LDHAL6A: variants seen among roughly 807,000 people sequenced by gnomAD.
The protein encoded by LDHAL6A is lactate dehydrogenase A like 6A.
Under a neutral mutation model 28.2 loss-of-function variants are expected in LDHAL6A, and 19 were observed. That is an observed-to-expected ratio of 0.67 (90% CI 0.47 to 0.99). LDHAL6A has a LOEUF of 0.99. Ranked by LOEUF, LDHAL6A falls within the 50% of genes least tolerant of loss-of-function variation. The pLI, the probability that LDHAL6A is intolerant of heterozygous loss-of-function variation, is 0.00. For synonymous variants in LDHAL6A, 144 were observed against 134.4 expected (o/e 1.07, Z -0.49); for missense variants, 372 against 398.6 (o/e 0.93, Z 0.57).
At chr11:18,467,777 G>C (rs766152150) in intron 3 of LDHAL6A, among the ~76,000 whole-genome samples, 6 of 148,664 alleles carry the variant, frequency 4.0e-5, no homozygotes, top group Non-Finnish European at 7.4e-5. Context: ...AGAATCGCTT[G>C]AACCCAGGAG....
intron 5 of LDHAL6A, 25 bp from the exon 6 acceptor site, chr11:18,477,595 T>C (rs373413594): frequency 9.1e-5 from 142 of 1,564,380 alleles, no homozygotes; most frequent in Non-Finnish European, 1.2e-4. Context: ...TCTTAACTTA[T>C]GTTTATGGTT....
At chr11:18,464,469 C>A (rs1848997710) in intron 2 of LDHAL6A, among the ~76,000 whole-genome samples, 1 of 152,168 alleles carries the variant, frequency 6.6e-6, no homozygotes, top group Non-Finnish European at 1.5e-5. Context: ...AATCCCAGAA[C>A]TTTGGGAGGC....
intron 1 of LDHAL6A, among the ~76,000 whole-genome samples, chr11:18,459,601 T>C (rs969872816): frequency 1.3e-5 from 2 of 152,210 alleles, no homozygotes; most frequent in African/African-American, 4.8e-5. Flanking sequence ...TCTAGAGAAC[T>C]CTAATACATA....
At chr11:18,462,953 GTGT>G (rs1047290164) in intron 1 of LDHAL6A, among the ~76,000 whole-genome samples, 3 of 58,804 alleles carry the variant, frequency 5.1e-5, no homozygotes, top group Non-Finnish European at 1.1e-4. Flanking sequence ...TGTATTTCTA[GTGT>G]TTTTTTTTTT....
intron 6 of LDHAL6A, 151 bp downstream of exon 6, chr11:18,477,894 G>T: frequency 1.6e-6 from 1 of 640,456 alleles, no homozygotes; most frequent in Non-Finnish European, 2.6e-6. Context: ...GGGGAGATTG[G>T]GGAAAGAGCC....
chr11:18,463,828 G>A, intron 1 of LDHAL6A, 133 bp from the exon 2 acceptor site: 1 of 617,488 alleles, frequency 1.6e-6, no homozygotes. Context: ...AAAATGATGA[G>A]ATCATTTATT....
intron 1 of LDHAL6A, among the ~76,000 whole-genome samples, chr11:18,458,046 C>T (rs767411923): frequency 1.1e-4 from 17 of 152,116 alleles, no homozygotes; most frequent in Non-Finnish European, 2.1e-4. Flanking sequence ...CTTTGAAGGG[C>T]CATTCAGGGA....
chr11:18,462,967 T>C (rs1008335549), intron 1 of LDHAL6A, among the ~76,000 whole-genome samples: 1 of 146,358 alleles, frequency 6.8e-6, no homozygotes, highest in Non-Finnish European at 1.5e-5. Flanking sequence ...TTTTTTTTTT[T>C]CAAATAGAAG....
chr11:18,474,602 G>A (rs1307643668), intron 3 of LDHAL6A, among the ~76,000 whole-genome samples: 3 of 151,870 alleles, frequency 2.0e-5, no homozygotes, highest in Middle Eastern at 3.2e-3. Context: ...GGCCAGGATG[G>A]TGTCAATCTC....
chr11:18,469,293 G>T, intron 3 of LDHAL6A: 1 of 509,120 alleles, frequency 2.0e-6, no homozygotes, highest in Non-Finnish European at 3.5e-6. Context: ...GCACTAAAAC[G>T]CCTCTACCCT....
chr11:18,467,733 C>G (rs749275974), intron 3 of LDHAL6A, among the ~76,000 whole-genome samples: 1 of 150,366 alleles, frequency 6.7e-6, no homozygotes, highest in Non-Finnish European at 1.5e-5. Flanking sequence ...TGGTGCACAC[C>G]TGTAATCCTA....
rs1383913567 is a variant in LDHAL6A, at chr11:18,477,652, C to T, written c.743C>T (p.Thr248Ile). 1.2e-6 allele frequency: 2 copies of T among 1,612,368 alleles called. No homozygotes were observed. Among genetic ancestry groups the T allele is most frequent in the Admixed American group, 3.3e-5 (2 of 59,880 alleles). Reference sequence around the variant, plus strand: ...GAGATGGTCAAAATGAAAGGTTATACTTCTTGGGGCATTAGCCTATCTGTA... The same window carrying T: ...GAGATGGTCAAAATGAAAGGTTATATTTCTTGGGGCATTAGCCTATCTGTA... ...GYEMVKMKGY[T>I]SWGISLSVAD... The change falls in exon 6 of 7, where the codon ACT (threonine) becomes ATT (isoleucine). Residue 248 changes from threonine (T) to isoleucine (I), a missense_variant. Physicochemically the swap from Thr to Ile is moderately conservative, Grantham distance 89. Coordinates refer to ENST00000280706, the MANE Select transcript of LDHAL6A (RefSeq NM_144972.5).
intron 3 of LDHAL6A, among the ~76,000 whole-genome samples, chr11:18,471,037 T>G (rs1009773948): frequency 1.1e-4 from 17 of 152,108 alleles, no homozygotes; most frequent in Non-Finnish European, 2.2e-4. Context: ...CAGTCTATTT[T>G]CAGACTTTTA....
rs748189804 is a variant in LDHAL6A, at chr11:18,465,605, A to G, written c.245-32A>G. On this transcript the variant is annotated intron_variant, in intron 2 of 6. Coordinates refer to ENST00000280706, the MANE Select transcript of LDHAL6A (RefSeq NM_144972.5). ...ACTTAAATGCCAGATGTTTTCTTTC[A>G]TAATCGATTGTTTATTCTAATCTTT... 24 of 1,579,012 alleles carry G rather than the reference A, an allele frequency of 1.5e-5. 1 individual carries two copies. The Admixed American group carries it at 2.6e-4, about 17-fold the overall frequency.
At chr11:18,468,027 A>ATATATATACATATATATATACG in intron 3 of LDHAL6A, among the ~76,000 whole-genome samples, 1 of 55,976 alleles carries the variant, frequency 1.8e-5, no homozygotes, top group African/African-American at 9.6e-5. Flanking sequence ...ATATATACGT[A>ATATATATACATATATATATACG]TATATATATA....
At chr11:18,466,776 G>A (rs1334032174) in intron 3 of LDHAL6A, among the ~76,000 whole-genome samples, 2 of 152,060 alleles carry the variant, frequency 1.3e-5, no homozygotes, top group Non-Finnish European at 2.9e-5. Flanking sequence ...GTGAAAGTAG[G>A]GCTATAGTTT....
At chr11:18,460,751 C>A (rs941963658) in intron 1 of LDHAL6A, among the ~76,000 whole-genome samples, 2 of 152,012 alleles carry the variant, frequency 1.3e-5, no homozygotes, top group Non-Finnish European at 2.9e-5. Context: ...CAAAGTGAGA[C>A]CCTGTCTCAA....
chr11:18,462,666 A>C lies in LDHAL6A; in HGVS notation c.127-1295A>C, dbSNP rs1270023844. On this transcript the variant is annotated intron_variant, in intron 1 of 6. Coordinates refer to ENST00000280706, the MANE Select transcript of LDHAL6A (RefSeq NM_144972.5). ...AACAAACAAACAAACAAAAAAAAAA[A>C]CAAAAAAAACCCAAAAATTAGCTGG... Among the ~76,000 whole-genome samples, 6 of 114,642 alleles carry C rather than the reference A, an allele frequency of 5.2e-5. No individual in the cohort carries two copies. The East Asian group carries it at 5.9e-4, about 11-fold the overall frequency. 75.2% of individuals were successfully genotyped at this position (114,642 alleles called of 152,430 possible).
At chr11:18,459,745 A>G (rs1231109953) in intron 1 of LDHAL6A, among the ~76,000 whole-genome samples, 1 of 152,230 alleles carries the variant, frequency 6.6e-6, no homozygotes, top group Non-Finnish European at 1.5e-5. Context: ...GATCCCATCC[A>G]GGATGATACC....
Sources: allele counts gnomAD v4.1 joint callset (sites outside exome capture counted in the v4.1 genomes callset), GRCh38; gene constraint gnomAD v4.1.1; transcripts MANE v1.5; gene names NCBI Gene and HGNC (gene_info 2026-07-23, HGNC 2026-07-21).